Variants in TNRC6A observed in about 807,000 individuals in gnomAD.
TNRC6A encodes the protein trinucleotide repeat containing adaptor 6A, also known as trinucleotide repeat-containing gene 6A protein.
In TNRC6A, 44 loss-of-function variants were observed where a neutral mutation model predicts 221.2. The observed-to-expected ratio is 0.20, with a 90% CI of 0.16 to 0.26. TNRC6A has a LOEUF of 0.26. Ranked by LOEUF, TNRC6A falls within the 10% of genes least tolerant of loss-of-function variation. The pLI is 1.00. For synonymous variants in TNRC6A, 847 were observed against 838.5 expected, an observed-to-expected ratio of 1.01 and a Z score of -0.18; for missense variants, 2,199 against 2,404.4, an observed-to-expected ratio of 0.91 and a Z score of 1.79.
At position 24,790,361 on chromosome 16, in the gene TNRC6A, G is replaced by A. The variant is rs537642500; in HGVS notation, c.1719G>A (p.Val573=). Residue 573 remains valine (V), a synonymous_variant, in exon 6 of 25, where the codon GTG becomes GTA. Transcript: ENST00000395799. ...FQVNTNKGGG[V]WESGAANSQS... ...TTAACACAAACAAAGGAGGTGGTGT[G>A]TGGGAATCTGGTGCAGCAAACTCCC... 29 of 1,614,236 alleles carry A rather than the reference G, an allele frequency of 1.8e-5. No individual in the cohort carries two copies. The highest frequency in any genetic ancestry group is 2.4e-5 in the Non-Finnish European group (28 of 1,180,044).
At chr16:24,720,058 G>A (rs763471041) in intron 2 of TNRC6A, among the ~76,000 whole-genome samples, 186 of 152,294 alleles carry the variant, frequency 1.2e-3, no homozygotes, top group Non-Finnish European at 1.4e-3. Context: ...TGGTAGGCAA[G>A]AGAGAAGGAC....
intron 2 of TNRC6A, among the ~76,000 whole-genome samples, chr16:24,734,842 C>T (rs1459359672): frequency 6.6e-6 from 1 of 152,172 alleles, no homozygotes; most frequent in African/African-American, 2.4e-5. Context: ...GTTAACTTCA[C>T]GTTATACTGA....
At position 24,718,821 on chromosome 16, in the gene TNRC6A, G is replaced by A. The variant is rs540462815; in HGVS notation, n.403-31905G>A. Among the ~76,000 whole-genome samples the A allele has an allele frequency of 2.7e-3, 413 of 151,968 alleles. 4 individuals are homozygous for A. The highest frequency in any genetic ancestry group is 9.5e-3 in the African/African-American group (392 of 41,462). On this transcript the variant is annotated intron_variant and non_coding_transcript_variant, in intron 2 of 2. Transcript: ENST00000566108. ...GGAGGCTGAGGCGGGCGGATCACCT[G>A]AGGTCAGGAGTTTGAGACCAGCCTG...
At chr16:24,784,925 G>A (rs144989897) in intron 5 of TNRC6A, among the ~76,000 whole-genome samples, 11 of 152,210 alleles carry the variant, frequency 7.2e-5, no homozygotes, top group South Asian at 2.1e-4. Flanking sequence ...AATCTGCCAC[G>A]TATGGTTTAT....
chr16:24,806,539 C>G lies in TNRC6A; in HGVS notation c.4330-35C>G, dbSNP rs764321443. 2.4e-5 allele frequency: 39 copies of G among 1,609,448 alleles called. No individual in the cohort carries two copies. In the Admixed American group the frequency reaches 6.5e-4, roughly 27 times the overall value. ...TAGTTTTCTGTAAAGACGTTTTCCC[C>G]CAGTAATTTTTTCCAATCATTTCAT... On this transcript the variant is annotated intron_variant, in intron 16 of 24. Coordinates refer to ENST00000395799, the MANE Select transcript of TNRC6A (RefSeq NM_014494.4).
At chr16:24,665,207 C>A (rs954496641) in intron 2 of TNRC6A, among the ~76,000 whole-genome samples, 2 of 152,036 alleles carry the variant, frequency 1.3e-5, no homozygotes, top group Non-Finnish European at 2.9e-5. Flanking sequence ...GTAGCTGGGA[C>A]TACAAGCTCA....
At chr16:24,788,443 T>G (rs1032801206) in intron 5 of TNRC6A, among the ~76,000 whole-genome samples, 5 of 152,214 alleles carry the variant, frequency 3.3e-5, no homozygotes, top group Admixed American at 3.3e-4. Context: ...CTTATAAATT[T>G]TTATAAACTT....
chr16:24,772,099 A>G lies in TNRC6A; in HGVS notation c.164-4834A>G, dbSNP rs75334615. On this transcript the variant is annotated intron_variant, in intron 4 of 24. Coordinates refer to ENST00000395799, the MANE Select transcript of TNRC6A (RefSeq NM_014494.4). ...AACTTGCCAACCCCTGTTGTATAAC[A>G]TAGTTCAATTTAGTTGGGTTTTGTT... 0.025 allele frequency among the ~76,000 whole-genome samples: 3,841 copies of G among 152,336 alleles called. 443 individuals are homozygous for G. In the East Asian group the frequency reaches 0.36, roughly 14 times the overall value.
intron 1 of TNRC6A, among the ~76,000 whole-genome samples, chr16:24,612,509 G>A (rs557990576): frequency 1.3e-5 from 2 of 152,022 alleles, no homozygotes; most frequent in South Asian, 2.1e-4. Context: ...CACTTTGTGG[G>A]GCCTAGGCGG....
chr16:24,612,290 G>T (rs970127884), intron 1 of TNRC6A, among the ~76,000 whole-genome samples: 4 of 152,094 alleles, frequency 2.6e-5, no homozygotes, highest in African/African-American at 9.7e-5. Context: ...CGATGACAGG[G>T]TGCTATTTCT....
chr16:24,676,758 C>T (rs1416077724), intron 2 of TNRC6A, among the ~76,000 whole-genome samples: 1 of 152,140 alleles, frequency 6.6e-6, no homozygotes, highest in Admixed American at 6.6e-5. Context: ...CCGGCCAAGA[C>T]TTCTTGATTT....
chr16:24,677,075 G>T (rs1567348297), intron 2 of TNRC6A, among the ~76,000 whole-genome samples: 1 of 151,558 alleles, frequency 6.6e-6, no homozygotes, highest in African/African-American at 2.4e-5. Context: ...TCATCTGGTT[G>T]TCCTACAGAC....
At chr16:24,699,779 C>G (rs188532744) in intron 2 of TNRC6A, among the ~76,000 whole-genome samples, 133 of 150,610 alleles carry the variant, frequency 8.8e-4, no homozygotes, top group African/African-American at 3.1e-3. Flanking sequence ...CAGAGATGGA[C>G]AAGAGAGCAC....
rs576475795 is a variant in TNRC6A, at chr16:24,635,232, C to T, written n.277-5652C>T. 3.3e-5 allele frequency among the ~76,000 whole-genome samples: 5 copies of T among 150,182 alleles called. 1 individual carries two copies. In the Admixed American group the frequency reaches 3.4e-4, roughly 10 times the overall value. On this transcript the variant is annotated intron_variant and non_coding_transcript_variant, in intron 1 of 2. Coordinates refer to the TNRC6A transcript ENST00000566108. ...AATGCTGGAACTCTATACCCTTCAT[C>T]TGGATTGTTTTACTTCTTATTCATA... is the stretch of plus-strand genomic sequence containing the variant.
At chr16:24,822,234 C>G in intron 23 of TNRC6A, 87 bp downstream of exon 23, 4 of 1,345,560 alleles carry the variant, frequency 3.0e-6, no homozygotes, top group Non-Finnish European at 4.2e-6. Flanking sequence ...ACAAGGGCTG[C>G]TAGGTGGTAG....
At chr16:24,706,977 A>C (rs561630106) in intron 2 of TNRC6A, among the ~76,000 whole-genome samples, 1 of 113,824 alleles carries the variant, frequency 8.8e-6, no homozygotes, top group African/African-American at 3.9e-5. Flanking sequence ...TTATTTATCT[A>C]TTTTTATTTA....
chr16:24,792,518 T>G (rs1395793434), intron 6 of TNRC6A, among the ~76,000 whole-genome samples: 1 of 151,826 alleles, frequency 6.6e-6, no homozygotes, highest in African/African-American at 2.4e-5. Context: ...AAGTATAGTT[T>G]GTTGTATTAA....
chr16:24,642,100 G>A (rs1000158482), intron 2 of TNRC6A, among the ~76,000 whole-genome samples: 4 of 152,196 alleles, frequency 2.6e-5, no homozygotes, highest in African/African-American at 4.8e-5. Context: ...ACCTGAATCA[G>A]TGGCTATGAT....
Position 24,817,000 on chromosome 16 carries a change from A to G in TNRC6A, c.4972+44A>G. On this transcript the variant is annotated intron_variant, in intron 20 of 24. Transcript: ENST00000395799. ...TCAATTTCTGAGTGACACTTAACAC[A>G]GTTTAAGAATGGCTCATGTAGTACC... is the stretch of plus-strand genomic sequence containing the variant. 1.9e-6 allele frequency: 3 copies of G among 1,580,010 alleles called. No individual in the cohort carries two copies. The South Asian group carries it at 3.5e-5, about 19-fold the overall frequency.
Sources: gnomAD v4.1 joint callset for allele counts (sites outside exome capture counted in the v4.1 genomes callset) on GRCh38, gnomAD v4.1.1 for gene constraint, MANE v1.5 for transcripts, NCBI Gene and HGNC (gene_info 2026-07-23, HGNC 2026-07-21) for gene names.